The following THSD7B variants were observed in gnomAD, a reference collection of about 807,000 sequenced individuals.
THSD7B encodes the protein thrombospondin type-1 domain-containing protein 7B.
A neutral mutation model predicts 213.6 loss-of-function variants in THSD7B; 138 were observed. The observed-to-expected ratio is 0.65, with a 90% CI of 0.56 to 0.74. The LOEUF (loss-of-function observed/expected upper bound fraction) is 0.74. Ranked by LOEUF, THSD7B falls within the 30% of genes least tolerant of loss-of-function variation. THSD7B has a pLI of 0.00. For synonymous variants in THSD7B, 742 were observed against 687.0 expected (o/e 1.08, Z -1.25); for missense variants, 1,931 against 1,991.5 (o/e 0.97, Z 0.58).
rs1274318588 is a variant in THSD7B at position 137,526,892 on chromosome 2, A to G, written c.3139-36329A>G. 3.9e-5 allele frequency among the ~76,000 whole-genome samples: 6 copies of G among 152,154 alleles called. No homozygotes were observed. The East Asian group carries it at 7.7e-4, about 20-fold the overall frequency. Reference sequence around the variant, plus strand: ...GAATGAGCAGGTTGAAAATTAACACATGTACTCAAGAGAACATAAAATATC... The same window carrying G: ...GAATGAGCAGGTTGAAAATTAACACGTGTACTCAAGAGAACATAAAATATC... On this transcript the variant is annotated intron_variant, in intron 15 of 27. Coordinates refer to ENST00000409968, the MANE Select transcript of THSD7B (RefSeq NM_001316349.2).
chr2:136,922,990 C>A (rs533447829), intron 2 of THSD7B, among the ~76,000 whole-genome samples: 2 of 152,258 alleles, frequency 1.3e-5, no homozygotes, highest in African/African-American at 4.8e-5. Context: ...AATTTACTAT[C>A]TTAACTATTT....
chr2:136,898,876 C>T (rs924257591), intron 2 of THSD7B, among the ~76,000 whole-genome samples: 16 of 150,866 alleles, frequency 1.1e-4, no homozygotes, highest in Admixed American at 5.3e-4. Context: ...CTCCTGACCT[C>T]GTGATCTGCC....
At position 137,405,692 on chromosome 2, in the gene THSD7B, T is replaced by C; in HGVS notation, c.2580T>C (p.Leu860=). 2 of 1,613,754 alleles carry C rather than the reference T, an allele frequency of 1.2e-6. No individual in the cohort carries two copies. The highest frequency in any genetic ancestry group is 8.5e-7 in the Non-Finnish European group (1 of 1,179,808). The change falls in exon 13 of 28, where the codon CTT becomes CTC. Residue 860 remains leucine, a synonymous_variant. Coordinates refer to ENST00000409968, the MANE Select transcript of THSD7B (RefSeq NM_001316349.2). The part of the protein sequence containing the change: ...CLKQTNGMPL[L]VQECTVPCRE... ...AGCAGACAAACGGCATGCCTCTCCT[T>C]GTGCAAGAATGCACAGTCCCATGTC...
intron 2 of THSD7B, among the ~76,000 whole-genome samples, chr2:136,929,734 G>A (rs1684597277): frequency 6.6e-6 from 1 of 152,106 alleles, no homozygotes; most frequent in South Asian, 2.1e-4. Flanking sequence ...GCAGACTGCT[G>A]GCCTATTTGT....
intron 8 of THSD7B, 130 bp from the exon 9 acceptor site, chr2:137,232,761 GAGAAGAAC>G (rs1374508954): frequency 1.4e-6 from 1 of 728,240 alleles, no homozygotes; most frequent in African/African-American, 1.8e-5. Flanking sequence ...TTCTTAGACT[GAGAAGAAC>G]AGTGCAGTGG....
chr2:137,064,457 T>G (rs939428629), intron 3 of THSD7B, among the ~76,000 whole-genome samples: 1 of 152,116 alleles, frequency 6.6e-6, no homozygotes, highest in Admixed American at 6.6e-5. Flanking sequence ...TCCTGTGGAT[T>G]TTCTCATCAG....
intron 2 of THSD7B, among the ~76,000 whole-genome samples, chr2:136,939,772 A>G (rs963680771): frequency 1.3e-5 from 2 of 152,040 alleles, no homozygotes; most frequent in African/African-American, 4.8e-5. Flanking sequence ...TATACCCTTA[A>G]CTCTGTCATC....
intron 20 of THSD7B, among the ~76,000 whole-genome samples, chr2:137,625,400 A>AC: frequency 6.6e-6 from 1 of 151,958 alleles, no homozygotes; most frequent in Non-Finnish European, 1.5e-5. Context: ...GGTGCAGCAC[A>AC]CCAACATGAC....
chr2:137,291,193 A>G (rs1012354330), intron 12 of THSD7B, among the ~76,000 whole-genome samples: 1 of 152,036 alleles, frequency 6.6e-6, no homozygotes, highest in Non-Finnish European at 1.5e-5. Flanking sequence ...ACCTTTCTTA[A>G]CTTGTTGGAA....
intron 7 of THSD7B, among the ~76,000 whole-genome samples, chr2:137,186,438 G>A (rs376753682): frequency 6.6e-5 from 10 of 151,954 alleles, no homozygotes; most frequent in Non-Finnish European, 1.2e-4. Flanking sequence ...TTATTCTTCC[G>A]CAAATGGCTA....
intron 2 of THSD7B, among the ~76,000 whole-genome samples, chr2:137,011,883 G>A (rs1303521203): frequency 1.3e-5 from 2 of 152,056 alleles, no homozygotes; most frequent in Non-Finnish European, 2.9e-5. Context: ...ATCATTGTTT[G>A]TTAAAAGGAT....
intron 7 of THSD7B, among the ~76,000 whole-genome samples, chr2:137,175,464 G>A (rs1278388390): frequency 6.6e-6 from 1 of 151,982 alleles, no homozygotes; most frequent in Non-Finnish European, 1.5e-5. Flanking sequence ...TTGCATACAA[G>A]GTTTTTTTAT....
At chr2:136,830,329 T>C (rs1323707323) in intron 1 of THSD7B, among the ~76,000 whole-genome samples, 1 of 152,182 alleles carries the variant, frequency 6.6e-6, no homozygotes, top group East Asian at 1.9e-4. Flanking sequence ...ATTAGCTGCA[T>C]ACCATAATGA....
At chr2:136,772,565 C>T (rs1158293703) in intron 1 of THSD7B, among the ~76,000 whole-genome samples, 1 of 152,100 alleles carries the variant, frequency 6.6e-6, no homozygotes, top group Non-Finnish European at 1.5e-5. Context: ...AACTGTCCTG[C>T]CAACTATGCA....
At chr2:137,237,840 T>C (rs994630079) in intron 9 of THSD7B, among the ~76,000 whole-genome samples, 3 of 152,188 alleles carry the variant, frequency 2.0e-5, no homozygotes, top group Admixed American at 6.5e-5. Context: ...GTAAACCTCA[T>C]TGGCAGGGGA....
At chr2:137,103,619 G>A (rs1470853213) in intron 4 of THSD7B, among the ~76,000 whole-genome samples, 1 of 152,112 alleles carries the variant, frequency 6.6e-6, no homozygotes, top group East Asian at 1.9e-4. Flanking sequence ...ACCCATCGGT[G>A]TGTTGTATTC....
At chr2:137,254,494 G>A (rs1056492949) in intron 10 of THSD7B, among the ~76,000 whole-genome samples, 12 of 152,038 alleles carry the variant, frequency 7.9e-5, no homozygotes, top group African/African-American at 1.7e-4. Context: ...ATTTAGTTTC[G>A]CACTGAATTA....
intron 17 of THSD7B, among the ~76,000 whole-genome samples, chr2:137,612,449 A>G (rs1682306528): frequency 6.6e-6 from 1 of 152,194 alleles, no homozygotes; most frequent in South Asian, 2.1e-4. Context: ...ATTTAGCATC[A>G]GGAGTGGAAG....
At position 137,170,865 on chromosome 2, in the gene THSD7B, G is replaced by A; in HGVS notation, c.1650G>A (p.Gly550=). The change falls in exon 7 of 28, where the codon GGG becomes GGA. Residue 550 remains glycine, a synonymous_variant. Coordinates refer to ENST00000409968, the MANE Select transcript of THSD7B (RefSeq NM_001316349.2). ...GCTACCGATGGCTGGCATCAGAAGG[G>A]ATCTGTTTCCCTGATCATGGAAAAT... ...PMCYRWLASE[G]ICFPDHGKCG... The A allele has an allele frequency of 6.2e-7, 1 of 1,613,604 alleles. No homozygotes were observed. Among genetic ancestry groups the A allele is most frequent in the Non-Finnish European group, 8.5e-7 (1 of 1,179,772 alleles).
Sources: allele counts gnomAD v4.1 joint callset (sites outside exome capture counted in the v4.1 genomes callset), GRCh38; gene constraint gnomAD v4.1.1; transcripts MANE v1.5; gene names NCBI Gene and HGNC (gene_info 2026-07-23, HGNC 2026-07-21).